DMD: variants seen among roughly 807,000 people sequenced by gnomAD.
The protein encoded by DMD is dystrophin.
Under a neutral mutation model 330.1 loss-of-function variants are expected in DMD, and 63 were observed. That is an observed-to-expected ratio of 0.19 (90% CI 0.16 to 0.24). DMD has a LOEUF of 0.24. DMD is among the 10% of genes least tolerant of loss of function. DMD has a pLI of 1.00. For missense variants in DMD, 3,344 were observed against 2,684.1 expected (o/e 1.25, Z -5.43); for synonymous variants, 1,223 against 959.8 (o/e 1.27, Z -5.07).
At chrX:33,169,085 G>T (rs1368334449) in intron 1 of DMD, among the ~76,000 whole-genome samples, 2 of 108,242 alleles carry the variant, frequency 1.8e-5, no homozygotes, top group Non-Finnish European at 3.9e-5. Flanking sequence ...CAGTATTGGG[G>T]CCTCCCAATT....
intron 41 of DMD, among the ~76,000 whole-genome samples, chrX:32,334,691 A>G (rs1196347869): frequency 2.7e-5 from 3 of 111,539 alleles, no homozygotes; most frequent in Admixed American, 1.9e-4. Context: ...GAATATTCTT[A>G]TTTCACCATC....
At chrX:31,176,651 A>T (rs2040536343) in intron 71 of DMD, among the ~76,000 whole-genome samples, 1 of 111,537 alleles carries the variant, frequency 9.0e-6, no homozygotes, top group African/African-American at 3.2e-5. Flanking sequence ...TTATTTATGA[A>T]CGGTTGTAAC....
intron 45 of DMD, among the ~76,000 whole-genome samples, chrX:31,935,057 G>A (rs1238554242): frequency 1.8e-5 from 2 of 111,828 alleles, no homozygotes; most frequent in African/African-American, 6.5e-5. Flanking sequence ...TGCCTACGGT[G>A]CTCTTCTGGC....
chrX:33,294,451 G>A (rs2053556947), intron 1 of DMD, among the ~76,000 whole-genome samples: 1 of 111,109 alleles, frequency 9.0e-6, no homozygotes, highest in African/African-American at 3.3e-5. Context: ...CAACCTTCAG[G>A]ACTGCAGTGG....
intron 2 of DMD, among the ~76,000 whole-genome samples, chrX:32,993,555 A>G (rs2093036509): frequency 9.1e-6 from 1 of 109,705 alleles, no homozygotes; most frequent in African/African-American, 3.3e-5. Context: ...GTGAGCTGAT[A>G]TCATGCCACT....
In DMD at chrX:32,652,639, T is replaced by C. The variant is rs556106094; in HGVS notation, c.961-7487A>G. Among the ~76,000 whole-genome samples the C allele has an allele frequency of 4.8e-4, 53 of 111,213 alleles. No homozygotes were observed. The South Asian group carries it at 0.018, about 38-fold the overall frequency. ...TATAGCAGCATGATTTTTAATCCTT[T>C]GGGAATATACCCAGTAATGGGTATA... is the stretch of plus-strand genomic sequence containing the variant. On this transcript the variant is annotated intron_variant, in intron 9 of 78. Coordinates refer to ENST00000357033, the MANE Select transcript of DMD (RefSeq NM_004006.3).
intron 43 of DMD, among the ~76,000 whole-genome samples, chrX:32,226,560 ATGATAAATGT>A (rs2097148365): frequency 8.9e-6 from 1 of 111,938 alleles, no homozygotes; most frequent in Non-Finnish European, 1.9e-5. Flanking sequence ...TTCCTGGTAC[ATGATAAATGT>A]TGAATACATT....
chrX:33,277,651 C>T (rs1347713967), intron 1 of DMD, among the ~76,000 whole-genome samples: 1 of 111,061 alleles, frequency 9.0e-6, no homozygotes, highest in Non-Finnish European at 1.9e-5. Flanking sequence ...ATTTTGCTTC[C>T]ATGGCATTTT....
At position 32,658,047 on chromosome X, in the gene DMD, A is replaced by G. The variant is rs187129770; in HGVS notation, c.961-12895T>C. On this transcript the variant is annotated intron_variant, in intron 9 of 78. Transcript: ENST00000357033. ...AATTGACATATACTGCACTTAAATA[A>G]TATTCCTCTAGAATGACCGTAGTCC... 7.4e-3 allele frequency among the ~76,000 whole-genome samples: 829 copies of G among 111,915 alleles called. 4 individuals carry two copies. Among genetic ancestry groups the G allele is most frequent in the Admixed American group, 0.013 (133 of 10,471 alleles).
chrX:31,519,634 A>AT (rs984036402), intron 55 of DMD, among the ~76,000 whole-genome samples: 2 of 111,908 alleles, frequency 1.8e-5, no homozygotes, highest in Non-Finnish European at 3.8e-5. Context: ...AGACATTTCT[A>AT]TTTTTTTCAT....
In DMD at chrX:31,822,653, G is replaced by GTGTGTGTGTGTGTGTGTGT. The variant is rs1556919106; in HGVS notation, c.7201-2571_7201-2570insACACACACACACACACACA. Reference sequence around the variant, plus strand: ...TTGGCCATACAGAAAAAGGCAGAGGGGTGTGTGTGTGTGTGTGTGTGTGTG... The same window carrying GTGTGTGTGTGTGTGTGTGT: ...TTGGCCATACAGAAAAAGGCAGAGGGTGTGTGTGTGTGTGTGTGTGTGTGTGTGTGTGTGTGTGTGTGTG... On this transcript the variant is annotated intron_variant, in intron 49 of 78. Coordinates refer to ENST00000357033, the MANE Select transcript of DMD (RefSeq NM_004006.3). Among the ~76,000 whole-genome samples, 19 of 65,803 alleles carry GTGTGTGTGTGTGTGTGTGT rather than the reference G, an allele frequency of 2.9e-4. 1 individual carries two copies. Among genetic ancestry groups the GTGTGTGTGTGTGTGTGTGT allele is most frequent in the South Asian group, 1.1e-3 (1 of 889 alleles). The allele number at this position is 65,803 out of a possible 115,157, so 57.1% of individuals were successfully genotyped here. A position where few individuals can be genotyped will look rare whatever the true frequency, so the allele number is the denominator to read the frequency against.
At chrX:32,793,351 A>T (rs752710382) in intron 7 of DMD, among the ~76,000 whole-genome samples, 1 of 111,619 alleles carries the variant, frequency 9.0e-6, no homozygotes, top group South Asian at 3.7e-4. Context: ...TATTTCAAAC[A>T]ATCTAACAAA....
chrX:31,175,118 C>G (rs2040381433), intron 71 of DMD, among the ~76,000 whole-genome samples: 1 of 111,608 alleles, frequency 9.0e-6, no homozygotes, highest in Non-Finnish European at 1.9e-5. Flanking sequence ...CACTGCAGAT[C>G]AAGATAAATT....
chrX:32,776,692 G>A (rs1213865004), intron 7 of DMD, among the ~76,000 whole-genome samples: 1 of 111,640 alleles, frequency 9.0e-6, no homozygotes, highest in Non-Finnish European at 1.9e-5. Flanking sequence ...CTCTACACGT[G>A]GGGATTACAA....
At chrX:31,808,654 GAAA>G (rs1304030917) in intron 50 of DMD, among the ~76,000 whole-genome samples, 20 of 110,553 alleles carry the variant, frequency 1.8e-4, no homozygotes, top group Non-Finnish European at 3.8e-4. Flanking sequence ...AGTTGTATTG[GAAA>G]AAATAAAACT....
intron 42 of DMD, among the ~76,000 whole-genome samples, chrX:32,300,498 C>T (rs1449450858): frequency 2.7e-5 from 3 of 111,699 alleles, no homozygotes; most frequent in African/African-American, 6.5e-5. Context: ...AAACCCTGCA[C>T]TTTACTGATC....
At chrX:31,659,639 GAAAAAAAAAAAAAA>G (rs869195395) in intron 53 of DMD, among the ~76,000 whole-genome samples, 18 of 39,983 alleles carry the variant, frequency 4.5e-4, no homozygotes, top group Non-Finnish European at 5.7e-4. Context: ...CTCCATCTCG[GAAAAAAAAAAAAAA>G]AAAAAAAAAA....
intron 55 of DMD, among the ~76,000 whole-genome samples, chrX:31,607,951 T>G (rs1354501411): frequency 8.9e-6 from 1 of 112,377 alleles, no homozygotes; most frequent in Non-Finnish European, 1.9e-5. Context: ...TTTGTAAACA[T>G]TTAATTATCT....
chrX:31,872,550 A>G (rs2093908979), intron 48 of DMD, among the ~76,000 whole-genome samples: 1 of 111,713 alleles, frequency 9.0e-6, no homozygotes. Flanking sequence ...AATGTGTTCC[A>G]GGAAGAGAGA....
Sources: gnomAD v4.1 joint callset for allele counts (sites outside exome capture counted in the v4.1 genomes callset) on GRCh38, gnomAD v4.1.1 for gene constraint, MANE v1.5 for transcripts, NCBI Gene and HGNC (gene_info 2026-07-23, HGNC 2026-07-21) for gene names.